Variants in GRM7 observed in about 807,000 individuals in gnomAD.
The protein encoded by GRM7 is glutamate metabotropic receptor 7.
In GRM7, 35 loss-of-function variants were observed where a neutral mutation model predicts 84.5. The observed-to-expected ratio is 0.41, with a 90% CI of 0.32 to 0.55. The LOEUF is 0.55. Among genes scored for constraint, GRM7 ranks in the 20% least tolerant of loss-of-function variants. The pLI, the probability that GRM7 is intolerant of heterozygous loss-of-function variation, is 0.19. For missense variants in GRM7, 1,003 were observed against 1,194.6 expected (o/e 0.84, Z 2.36); for synonymous variants, 487 against 455.1 (o/e 1.07, Z -0.89).
intron 1 of GRM7, among the ~76,000 whole-genome samples, chr3:7,026,269 C>T (rs1695979258): frequency 6.6e-6 from 1 of 152,172 alleles, no homozygotes; most frequent in South Asian, 2.1e-4. Context: ...TTGTCCAGCA[C>T]CCTGTGGGCA....
intron 1 of GRM7, among the ~76,000 whole-genome samples, chr3:6,889,760 G>T (rs999415256): frequency 6.6e-6 from 1 of 152,014 alleles, no homozygotes; most frequent in African/African-American, 2.4e-5. Context: ...ATGAGTTAGG[G>T]AGGATTCCCT....
chr3:6,889,964 G>A (rs1227823751), intron 1 of GRM7, among the ~76,000 whole-genome samples: 2 of 152,040 alleles, frequency 1.3e-5, no homozygotes, highest in Non-Finnish European at 2.9e-5. Flanking sequence ...GTCTTGGGAG[G>A]GTGTACGTGT....
chr3:7,435,644 C>T (rs981377065), intron 5 of GRM7, among the ~76,000 whole-genome samples: 1 of 148,052 alleles, frequency 6.8e-6, no homozygotes, highest in Non-Finnish European at 1.5e-5. Flanking sequence ...TACCGAGTAG[C>T]TAGGATTACA....
rs190161415 is a variant in GRM7, at chr3:7,237,181, G to C, written c.737-61503G>C. Reference sequence around the variant, plus strand: ...TGTCATTGTGGCAGTGCCAGAATTTGAGCACAAGTCAAAAGTCTATATTCT... The same window carrying C: ...TGTCATTGTGGCAGTGCCAGAATTTCAGCACAAGTCAAAAGTCTATATTCT... On this transcript the variant is annotated intron_variant, in intron 2 of 9. Coordinates refer to ENST00000357716, the MANE Select transcript of GRM7 (RefSeq NM_000844.4). 1.9e-3 allele frequency among the ~76,000 whole-genome samples: 285 copies of C among 152,192 alleles called. 1 individual carries two copies. The highest frequency in any genetic ancestry group is 3.6e-3 in the Admixed American group (55 of 15,290).
intron 1 of GRM7, among the ~76,000 whole-genome samples, chr3:6,896,051 A>C (rs887361055): frequency 1.4e-4 from 22 of 152,196 alleles, no homozygotes; most frequent in African/African-American, 5.1e-4. Flanking sequence ...ATATTTTCCT[A>C]TGCTAAACCC....
chr3:7,494,638 T>C (rs1699635310), intron 7 of GRM7, among the ~76,000 whole-genome samples: 1 of 152,156 alleles, frequency 6.6e-6, no homozygotes, highest in Admixed American at 6.6e-5. Context: ...TCTCTTCGTT[T>C]TTATCAGTCT....
At chr3:7,269,114 T>C (rs1698757877) in intron 2 of GRM7, among the ~76,000 whole-genome samples, 1 of 152,202 alleles carries the variant, frequency 6.6e-6, no homozygotes, top group Non-Finnish European at 1.5e-5. Context: ...CAGAACCACA[T>C]GACCTGGAAG....
intron 1 of GRM7, among the ~76,000 whole-genome samples, chr3:7,017,399 TTTA>T (rs1695603509): frequency 6.6e-6 from 1 of 152,180 alleles, no homozygotes; most frequent in Admixed American, 6.5e-5. Context: ...GAAAACAAGT[TTTA>T]TTGTTAAAAC....
At position 7,153,741 on chromosome 3, in the gene GRM7, C is replaced by T. The variant is rs1553148; in HGVS notation, c.736+7073C>T. On this transcript the variant is annotated intron_variant, in intron 2 of 9. Transcript: ENST00000357716. ...TGTATCTGAATGGTAGGTACTATTT[C>T]AGAGTACCTTCTTTATAGCAGGTAC... is the stretch of plus-strand genomic sequence containing the variant. Among the ~76,000 whole-genome samples, 464 of 152,116 alleles carry T rather than the reference C, an allele frequency of 3.1e-3. 1 individual carries two copies. Among genetic ancestry groups the T allele is most frequent in the African/African-American group, 0.011 (436 of 41,490 alleles).
At chr3:7,030,204 C>T (rs145658304) in intron 1 of GRM7, among the ~76,000 whole-genome samples, 1 of 152,270 alleles carries the variant, frequency 6.6e-6, no homozygotes, top group East Asian at 1.9e-4. Context: ...GGAGTACACT[C>T]TATCATGACA....
At chr3:7,007,598 AGATGGGAAGTTCTCAGTTGCCAACTC>A (rs755012859) in intron 1 of GRM7, among the ~76,000 whole-genome samples, 21 of 152,170 alleles carry the variant, frequency 1.4e-4, no homozygotes, top group Non-Finnish European at 1.9e-4. Flanking sequence ...TCATGGCCTA[AGATGGGAAGTTCTCAGTTGCCAACTC>A]CTGTCTGAGT....
At chr3:6,941,046 C>T (rs569289864) in intron 1 of GRM7, among the ~76,000 whole-genome samples, 3 of 152,314 alleles carry the variant, frequency 2.0e-5, no homozygotes, top group South Asian at 4.1e-4. Flanking sequence ...TCAGTCCCTG[C>T]CTCTCTTGAG....
At chr3:7,221,524 G>A (rs905335271) in intron 2 of GRM7, among the ~76,000 whole-genome samples, 5 of 151,878 alleles carry the variant, frequency 3.3e-5, no homozygotes, top group African/African-American at 1.2e-4. Flanking sequence ...TTTTTATTTA[G>A]TTGACTTAGT....
intron 1 of GRM7, among the ~76,000 whole-genome samples, chr3:6,952,213 T>TTG (rs1692809974): frequency 6.6e-6 from 1 of 152,206 alleles, no homozygotes; most frequent in African/African-American, 2.4e-5. Context: ...TAGTCTAAGG[T>TTG]TATTCCCTAC....
At chr3:7,053,704 G>A (rs753183667) in intron 1 of GRM7, among the ~76,000 whole-genome samples, 6 of 151,086 alleles carry the variant, frequency 4.0e-5, no homozygotes, top group South Asian at 2.1e-4. Context: ...TCTACCATCT[G>A]TCTTGTTCCT....
In GRM7 at chr3:6,878,299, TTCAAAATTA is replaced by T. The variant is rs1695385996; in HGVS notation, c.519+16399_519+16407del. Among the ~76,000 whole-genome samples, 4 of 151,712 alleles carry T rather than the reference TTCAAAATTA, an allele frequency of 2.6e-5. No homozygotes were observed. In the South Asian group the frequency reaches 6.2e-4, roughly 24 times the overall value. ...AAAAGTTGTAACTAAATATGTATTA[TTCAAAATTA>T]TCAAAACTAAATAAGTGACCAAGAA... On this transcript the variant is annotated intron_variant, in intron 1 of 9. Coordinates refer to ENST00000357716, the MANE Select transcript of GRM7 (RefSeq NM_000844.4).
intron 1 of GRM7, among the ~76,000 whole-genome samples, chr3:6,970,941 G>C (rs972667943): frequency 3.3e-5 from 5 of 151,772 alleles, no homozygotes; most frequent in Admixed American, 3.3e-4. Flanking sequence ...AAGATCGTAC[G>C]ACTACACTCC....
In GRM7 at chr3:7,162,728, C is replaced by CTTTTTTTTTTTTTTT; in HGVS notation, c.736+16060_736+16061insTTTTTTTTTTTTTTT. Among the ~76,000 whole-genome samples the CTTTTTTTTTTTTTTT allele has an allele frequency of 3.5e-5, 2 of 57,102 alleles. 1 individual carries two copies. Among genetic ancestry groups the CTTTTTTTTTTTTTTT allele is most frequent in the African/African-American group, 1.0e-4 (2 of 19,338 alleles). 37.5% of individuals were successfully genotyped at this position (57,102 alleles called of 152,430 possible). A position where few individuals can be genotyped will look rare whatever the true frequency, so the allele number is the denominator to read the frequency against. ...GCAATCTCCCATTACTCCCATTTTT[C>CTTTTTTTTTTTTTTT]ATTTTTTTTTTTTTTTTTTTTTTTT... is the stretch of plus-strand genomic sequence containing the variant. On this transcript the variant is annotated intron_variant, in intron 2 of 9. Transcript: ENST00000357716.
At chr3:7,336,164 A>G (rs1053953941) in intron 4 of GRM7, among the ~76,000 whole-genome samples, 4 of 152,132 alleles carry the variant, frequency 2.6e-5, no homozygotes, top group Non-Finnish European at 5.9e-5. Flanking sequence ...TGTGAACTGA[A>G]TCCAACAGCA....
Sources: gnomAD v4.1 joint callset for allele counts (sites outside exome capture counted in the v4.1 genomes callset) on GRCh38, gnomAD v4.1.1 for gene constraint, MANE v1.5 for transcripts, NCBI Gene and HGNC (gene_info 2026-07-23, HGNC 2026-07-21) for gene names.